The following ERBB4 variants were observed in gnomAD, a reference collection of about 807,000 sequenced individuals.
ERBB4 encodes the protein erb-b2 receptor tyrosine kinase 4.
ERBB4 carries 42 observed loss-of-function variants against 158.0 expected under a neutral mutation model. That is an observed-to-expected ratio of 0.27 (90% CI 0.21 to 0.34). The LOEUF (loss-of-function observed/expected upper bound fraction) is 0.34. ERBB4 is among the 10% of genes least tolerant of loss of function. The pLI is 1.00. For missense variants in ERBB4, 1,333 were observed against 1,624.1 expected (o/e 0.82, Z 3.08); for synonymous variants, 583 against 558.7 (o/e 1.04, Z -0.61).
chr2:212,055,405 C>T lies in ERBB4; in HGVS notation c.234+69347G>A, dbSNP rs934795511. The stretch of plus-strand genomic sequence containing the variant: ...AGCCAAAAGGCAGACTTAAATGTCC[C>T]TGTCTGACAGCTTTGAAGAGAGTAG... On this transcript the variant is annotated intron_variant, in intron 2 of 27. Transcript: ENST00000342788. Among the ~76,000 whole-genome samples, 5 of 152,214 alleles carry T rather than the reference C, an allele frequency of 3.3e-5. No individual in the cohort carries two copies. In the South Asian group the frequency reaches 1.0e-3, roughly 32 times the overall value.
At chr2:211,988,439 A>G (rs2125247472) in intron 2 of ERBB4, among the ~76,000 whole-genome samples, 1 of 152,306 alleles carries the variant, frequency 6.6e-6, no homozygotes, top group East Asian at 1.9e-4. Context: ...TGTCTGTTAT[A>G]TAGTAAGTGT....
intron 19 of ERBB4, among the ~76,000 whole-genome samples, chr2:211,591,711 T>G (rs2068471095): frequency 6.6e-6 from 1 of 152,252 alleles, no homozygotes; most frequent in African/African-American, 2.4e-5. Context: ...TCTTAAAGCT[T>G]TGTGTATGTT....
intron 20 of ERBB4, among the ~76,000 whole-genome samples, chr2:211,476,264 T>C (rs535462927): frequency 1.2e-4 from 18 of 152,148 alleles, no homozygotes; most frequent in African/African-American, 2.4e-4. Context: ...TATGAAACCT[T>C]TGTGGGAGTG....
At position 211,730,152 on chromosome 2, in the gene ERBB4, T is replaced by G. The variant is rs192187906; in HGVS notation, c.623-4958A>C. On this transcript the variant is annotated intron_variant, in intron 5 of 27. Coordinates refer to ENST00000342788, the MANE Select transcript of ERBB4 (RefSeq NM_005235.3). ...TTATCAGTATCTCACTAATAAGAAC[T>G]ATGGCTTAATTACTTCTTTCAATAT... Among the ~76,000 whole-genome samples the G allele has an allele frequency of 5.1e-4, 78 of 152,106 alleles. 1 individual carries two copies. Among genetic ancestry groups the G allele is most frequent in the East Asian group, 2.5e-3 (13 of 5,184 alleles).
chr2:212,063,375 T>C (rs1186021098), intron 2 of ERBB4, among the ~76,000 whole-genome samples: 1 of 152,140 alleles, frequency 6.6e-6, no homozygotes, highest in Non-Finnish European at 1.5e-5. Flanking sequence ...ATTATAAATG[T>C]TATCTTAAAT....
At chr2:212,414,871 T>C (rs374979638) in intron 1 of ERBB4, among the ~76,000 whole-genome samples, 2 of 152,180 alleles carry the variant, frequency 1.3e-5, no homozygotes, top group Non-Finnish European at 2.9e-5. Context: ...AATAAATGGC[T>C]ACACGCACAG....
chr2:211,853,577 CTT>C (rs1425555753), intron 3 of ERBB4, among the ~76,000 whole-genome samples: 1 of 152,044 alleles, frequency 6.6e-6, no homozygotes, highest in East Asian at 1.9e-4. Flanking sequence ...ACTACACACT[CTT>C]GAGTGATATG....
intron 1 of ERBB4, among the ~76,000 whole-genome samples, chr2:212,232,062 G>A (rs2083682915): frequency 1.3e-5 from 2 of 152,104 alleles, no homozygotes; most frequent in African/African-American, 4.8e-5. Flanking sequence ...TGACAGTGAA[G>A]AAATTAATTA....
At chr2:211,751,043 T>C (rs1422857073) in intron 4 of ERBB4, among the ~76,000 whole-genome samples, 1 of 152,204 alleles carries the variant, frequency 6.6e-6, no homozygotes, top group Admixed American at 6.5e-5. Flanking sequence ...TATTGATCTA[T>C]TCTACTTGAT....
At chr2:211,478,850 A>T (rs1559208794) in intron 20 of ERBB4, among the ~76,000 whole-genome samples, 1 of 152,284 alleles carries the variant, frequency 6.6e-6, no homozygotes, top group East Asian at 1.9e-4. Flanking sequence ...ATTCCAGGAA[A>T]AAAACATCTT....
intron 2 of ERBB4, among the ~76,000 whole-genome samples, chr2:212,071,931 ATTG>A (rs2078132962): frequency 6.6e-6 from 1 of 151,966 alleles, no homozygotes; most frequent in Non-Finnish European, 1.5e-5. Context: ...CTTTTTATCA[ATTG>A]TTGTGTTTAA....
At position 211,688,508 on chromosome 2, in the gene ERBB4, C is replaced by T. The variant is rs529990102; in HGVS notation, c.1490-9324G>A. Among the ~76,000 whole-genome samples, 4 of 152,282 alleles carry T rather than the reference C, an allele frequency of 2.6e-5. No homozygotes were observed. The East Asian group carries it at 7.7e-4, about 29-fold the overall frequency. On this transcript the variant is annotated intron_variant, in intron 12 of 27. Coordinates refer to ENST00000342788, the MANE Select transcript of ERBB4 (RefSeq NM_005235.3). ...AGGAATCACTTTCCCTTGTGTTCTG[C>T]TCTCCAGTCTATTGCAAACTATTGT...
chr2:212,051,976 T>G (rs1575567850), intron 2 of ERBB4, among the ~76,000 whole-genome samples: 1 of 152,152 alleles, frequency 6.6e-6, no homozygotes, highest in Admixed American at 6.6e-5. Context: ...TAATATTGAG[T>G]GTCAACTTGA....
chr2:211,386,095 C>T (rs1252828667), intron 27 of ERBB4, among the ~76,000 whole-genome samples: 2 of 152,206 alleles, frequency 1.3e-5, no homozygotes, highest in South Asian at 2.1e-4. Flanking sequence ...CTAAAGACTG[C>T]GAGAGACATG....
chr2:211,722,666 T>G, intron 6 of ERBB4, 132 bp from the exon 7 acceptor site: 1 of 987,584 alleles, frequency 1.0e-6, no homozygotes, highest in South Asian at 1.5e-5. Context: ...AATTTAAGAG[T>G]CATGTGTGTT....
intron 1 of ERBB4, among the ~76,000 whole-genome samples, chr2:212,499,550 T>G (rs1340091565): frequency 6.6e-6 from 1 of 152,116 alleles, no homozygotes; most frequent in Non-Finnish European, 1.5e-5. Flanking sequence ...AGCTTAGCTG[T>G]GAGCCTGTGG....
intron 12 of ERBB4, among the ~76,000 whole-genome samples, chr2:211,686,866 T>C (rs1479675628): frequency 1.3e-5 from 2 of 152,190 alleles, no homozygotes; most frequent in African/African-American, 4.8e-5. Context: ...TATTTCTTTT[T>C]GGAGGGGGTA....
At chr2:212,206,013 T>C (rs1405377997) in intron 1 of ERBB4, among the ~76,000 whole-genome samples, 1 of 152,238 alleles carries the variant, frequency 6.6e-6, no homozygotes, top group Admixed American at 6.5e-5. Flanking sequence ...ATACCTATGA[T>C]AATTTTATTT....
chr2:212,051,824 C>T (rs2077407792), intron 2 of ERBB4, among the ~76,000 whole-genome samples: 1 of 152,088 alleles, frequency 6.6e-6, no homozygotes. Context: ...GATTACCTCT[C>T]AGGATTATCA....
Sources: allele counts gnomAD v4.1 joint callset (sites outside exome capture counted in the v4.1 genomes callset), GRCh38; gene constraint gnomAD v4.1.1; transcripts MANE v1.5; gene names NCBI Gene and HGNC (gene_info 2026-07-23, HGNC 2026-07-21).